The following PPP1R16A variants were observed in gnomAD, a reference collection of about 807,000 sequenced individuals.
The protein encoded by PPP1R16A is myosin phosphatase-targeting subunit 3.
Under a neutral mutation model 46.6 loss-of-function variants are expected in PPP1R16A, and 39 were observed. That is an observed-to-expected ratio of 0.84 (90% confidence interval 0.65 to 1.09). The LOEUF (loss-of-function observed/expected upper bound fraction) is 1.09, where lower values mean the gene tolerates loss of function less well. Among genes scored for constraint, PPP1R16A ranks in the 50% least tolerant of loss-of-function variants. PPP1R16A has a pLI of 0.00. For missense variants in PPP1R16A, 798 were observed against 735.6 expected (o/e 1.08, Z -0.98); for synonymous variants, 413 against 321.5 (o/e 1.28, Z -3.04).
Position 144,478,144 on chromosome 8 carries a change from C to G in PPP1R16A, c.-914+17C>G. 2 of 394,678 alleles carry G rather than the reference C, an allele frequency of 5.1e-6. No individual in the cohort carries two copies. The highest frequency in any genetic ancestry group is 9.0e-6 in the Non-Finnish European group (2 of 223,392). The allele number at this position is 394,678 out of a possible 1,614,324, so 24.4% of individuals were successfully genotyped here. ...GGGCGCGAGGTGAGGCGCGGACTCC[C>G]GGGTCCTGCGGCGGGAGCGGAGCGA... On this transcript the variant is annotated intron_variant, in intron 1 of 11. Coordinates refer to ENST00000435887, the MANE Select transcript of PPP1R16A (RefSeq NM_001329443.2).
At chr8:144,481,812 C>T (rs1157501981) in intron 1 of PPP1R16A, among the ~76,000 whole-genome samples, 5 of 152,028 alleles carry the variant, frequency 3.3e-5, no homozygotes, top group African/African-American at 4.8e-5. Context: ...GAGTCTTGCT[C>T]TGTTGCCCAG....
At chr8:144,497,778 G>A (rs1362976477) in intron 3 of PPP1R16A, 20 of 467,070 alleles carry the variant, frequency 4.3e-5, no homozygotes, top group Middle Eastern at 4.4e-4. Flanking sequence ...GGGGCCCCAC[G>A]GGAGCAGGGG....
chr8:144,500,867 G>C lies in PPP1R16A; in HGVS notation c.933G>C (p.Arg311=), dbSNP rs367883975. 3 of 1,567,032 alleles carry C rather than the reference G, an allele frequency of 1.9e-6. No individual in the cohort carries two copies. Among genetic ancestry groups the C allele is most frequent in the Non-Finnish European group, 1.7e-6 (2 of 1,158,058 alleles). Residue 311 remains arginine, a synonymous_variant, in exon 10 of 12, where the codon CGG becomes CGC. Coordinates refer to ENST00000435887, the MANE Select transcript of PPP1R16A (RefSeq NM_001329443.2). ...PLDVCGDEEV[R]AKLLELKHKH... ...ATGTGTGCGGGGACGAGGAGGTGCG[G>C]GCCAAGCTGCTGGAGCTGAAGCACA...
rs1243147922 is a variant in PPP1R16A, at chr8:144,500,552, C to T, written c.771C>T (p.Ser257=). The T allele has an allele frequency of 4.4e-6, 7 of 1,597,086 alleles. No individual in the cohort carries two copies. The East Asian group carries it at 1.3e-4, about 31-fold the overall frequency. ...AAALLLEHRA[S]LSAKDQDGWE... ...CCCTGCTGCTGGAACACCGAGCCAG[C>T]CTGAGCGCTAAGGACCAAGACGGCT... is the stretch of plus-strand genomic sequence containing the variant. Residue 257 remains serine (S), a synonymous_variant, in exon 8 of 12, where the codon AGC becomes AGT. Coordinates refer to ENST00000435887, the MANE Select transcript of PPP1R16A (RefSeq NM_001329443.2).
At chr8:144,488,175 C>G (rs527407266) in intron 1 of PPP1R16A, among the ~76,000 whole-genome samples, 1 of 151,482 alleles carries the variant, frequency 6.6e-6, no homozygotes, top group Admixed American at 6.6e-5. Flanking sequence ...GAAGCTCTTT[C>G]CAGGGGATAT....
chr8:144,482,094 G>A lies in PPP1R16A; in HGVS notation c.-914+3967G>A, dbSNP rs562337035. On this transcript the variant is annotated intron_variant, in intron 1 of 11. Transcript: ENST00000435887. Reference sequence around the variant, plus strand: ...CCCGGCTGCCGCCGCCGCCGCCGCCGCCTTTTTTTTTGAGATGGAGTCTTG... The same window carrying A: ...CCCGGCTGCCGCCGCCGCCGCCGCCACCTTTTTTTTTGAGATGGAGTCTTG... Among the ~76,000 whole-genome samples the A allele has an allele frequency of 1.6e-4, 23 of 143,192 alleles. No homozygotes were observed. The South Asian group carries it at 1.6e-3, about 10-fold the overall frequency. 93.9% of individuals were successfully genotyped at this position (143,192 alleles called of 152,430 possible).
intron 2 of PPP1R16A, among the ~76,000 whole-genome samples, chr8:144,494,671 T>C (rs1825970432): frequency 6.6e-6 from 1 of 152,164 alleles, no homozygotes; most frequent in African/African-American, 2.4e-5. Flanking sequence ...TGCCTTGCTC[T>C]TGGCTTGTGA....
At chr8:144,485,015 A>G (rs1825583256) in intron 1 of PPP1R16A, among the ~76,000 whole-genome samples, 1 of 152,074 alleles carries the variant, frequency 6.6e-6, no homozygotes, top group Non-Finnish European at 1.5e-5. Flanking sequence ...CTGTCATCCC[A>G]GCACTTCGGG....
chr8:144,487,964 C>T (rs771890341), intron 1 of PPP1R16A, among the ~76,000 whole-genome samples: 1 of 152,216 alleles, frequency 6.6e-6, no homozygotes, highest in African/African-American at 2.4e-5. Flanking sequence ...CAACATATAA[C>T]GAGATGTCTC....
chr8:144,487,697 G>A (rs187073120), intron 1 of PPP1R16A, among the ~76,000 whole-genome samples: 5 of 152,262 alleles, frequency 3.3e-5, no homozygotes, highest in Admixed American at 3.3e-4. Flanking sequence ...GTATTCCATT[G>A]GTTTATTTCT....
At chr8:144,498,174 G>A (rs751196779) in intron 3 of PPP1R16A, 2 of 436,292 alleles carry the variant, frequency 4.6e-6, no homozygotes. Flanking sequence ...GGAGGCAGAG[G>A]GAAGAGGCGG....
At chr8:144,481,468 C>T (rs912490052) in intron 1 of PPP1R16A, among the ~76,000 whole-genome samples, 3 of 151,620 alleles carry the variant, frequency 2.0e-5, no homozygotes, top group African/African-American at 7.3e-5. Flanking sequence ...CATGGAGAAA[C>T]CCTGTCTCTA....
In PPP1R16A at chr8:144,497,283, G is replaced by A; in HGVS notation, c.89G>A (p.Arg30His). 5.0e-6 allele frequency: 8 copies of A among 1,611,672 alleles called. No homozygotes were observed. Among genetic ancestry groups the A allele is most frequent in the Non-Finnish European group, 6.8e-6 (8 of 1,179,474 alleles). The change falls in exon 3 of 12, where the codon CGC becomes CAC. Residue 30 changes from arginine to histidine, a missense_variant. Physicochemically the swap from Arg to His is conservative, Grantham distance 29. Coordinates refer to ENST00000435887, the MANE Select transcript of PPP1R16A (RefSeq NM_001329443.2). ...QERLKHAQKRRAQQVKMWAQA... is the reference protein window; with the variant it reads ...QERLKHAQKRHAQQVKMWAQA... ...CGGCTGAAGCATGCCCAGAAGCGGC[G>A]CGCCCAGCAGGTGAAGATGTGGGCC...
chr8:144,500,200 G>T lies in PPP1R16A; in HGVS notation c.580+1G>T. 1 of 1,605,196 alleles carries T rather than the reference G, an allele frequency of 6.2e-7. No homozygotes were observed. Among genetic ancestry groups the T allele is most frequent in the Non-Finnish European group, 8.5e-7 (1 of 1,176,362 alleles). ...CTGGAGACTGCCATGGCCGACCGTGGTAGGTGCGGCGGTGCGGCTGTGGGA... is the reference window on the plus strand; with the variant it reads ...CTGGAGACTGCCATGGCCGACCGTGTTAGGTGCGGCGGTGCGGCTGTGGGA... On this transcript the variant is annotated splice_donor_variant, in intron 6 of 11. Coordinates refer to ENST00000435887, the MANE Select transcript of PPP1R16A (RefSeq NM_001329443.2). LOFTEE classifies it high-confidence loss of function.
intron 5 of PPP1R16A, 49 bp downstream of exon 5, chr8:144,499,110 G>T (rs1398072111): frequency 6.5e-7 from 1 of 1,534,318 alleles, no homozygotes; most frequent in East Asian, 2.3e-5. Context: ...CTCTCAGATG[G>T]CCGCTCAGGA....
intron 2 of PPP1R16A, among the ~76,000 whole-genome samples, chr8:144,492,847 C>T (rs959184509): frequency 2.0e-5 from 3 of 152,170 alleles, no homozygotes; most frequent in Non-Finnish European, 4.4e-5. Flanking sequence ...GCGGCCTCTA[C>T]CTGTCCCTTG....
At chr8:144,480,735 T>C (rs1825377912) in intron 1 of PPP1R16A, among the ~76,000 whole-genome samples, 1 of 151,854 alleles carries the variant, frequency 6.6e-6, no homozygotes, top group Non-Finnish European at 1.5e-5. Context: ...CCTCCTGCCT[T>C]GGCCTCCCGA....
rs1017565905 is a variant in PPP1R16A at position 144,478,037 on chromosome 8, C to T, written c.-1004C>T. ...GCCATGGCGAGGGCCGGGTGCGGGG[C>T]CCGCCCCCGCAGCGCCTCAGGGAGC... On this transcript the variant is annotated 5_prime_UTR_variant, in exon 1 of 12. Transcript: ENST00000435887. 17 of 394,292 alleles carry T rather than the reference C, an allele frequency of 4.3e-5. No homozygotes were observed. The highest frequency in any genetic ancestry group is 2.1e-4 in the African/African-American group (10 of 48,388). The allele number at this position is 394,292 out of a possible 1,614,324, so 24.4% of individuals were successfully genotyped here. A position where few individuals can be genotyped will look rare whatever the true frequency, so the allele number is the denominator to read the frequency against.
chr8:144,497,515 C>G (rs1304723030), intron 3 of PPP1R16A, 62 bp downstream of exon 3: 1 of 1,600,308 alleles, frequency 6.2e-7, no homozygotes, highest in Non-Finnish European at 8.5e-7. Context: ...TACCTGGGTG[C>G]CGTCTCATGC....
Sources: allele counts gnomAD v4.1 joint callset (sites outside exome capture counted in the v4.1 genomes callset), GRCh38; gene constraint gnomAD v4.1.1; transcripts MANE v1.5; gene names NCBI Gene and HGNC (gene_info 2026-07-23, HGNC 2026-07-21).